The following MTX2 variants were observed in gnomAD, a reference collection of about 807,000 sequenced individuals.
MTX2 encodes the protein metaxin 2.
Under a neutral mutation model 42.3 loss-of-function variants are expected in MTX2, and 35 were observed. The observed-to-expected ratio is 0.83, with a 90% CI of 0.63 to 1.10. The LOEUF (loss-of-function observed/expected upper bound fraction) is 1.10. Ranked by LOEUF, MTX2 falls within the 50% of genes least tolerant of loss-of-function variation. MTX2 has a pLI of 0.00. For missense variants in MTX2, 307 were observed against 304.1 expected (o/e 1.01, Z -0.07); for synonymous variants, 119 against 100.9 (o/e 1.18, Z -1.08).
chr2:176,276,549 C>T (rs1306594929), intron 1 of MTX2, among the ~76,000 whole-genome samples: 1 of 151,608 alleles, frequency 6.6e-6, no homozygotes, highest in Non-Finnish European at 1.5e-5. Context: ...CCTTTCTAGT[C>T]CTCAGTTTCC....
intron 3 of MTX2, among the ~76,000 whole-genome samples, chr2:176,301,406 T>G (rs901672697): frequency 6.6e-6 from 1 of 152,174 alleles, no homozygotes; most frequent in African/African-American, 2.4e-5. Context: ...TGCTGAGCTC[T>G]TAATTCATAT....
intron 1 of MTX2, among the ~76,000 whole-genome samples, chr2:176,281,793 A>C (rs973001684): frequency 2.0e-5 from 3 of 152,082 alleles, no homozygotes; most frequent in African/African-American, 7.2e-5. Context: ...GTTGGGGGTG[A>C]GTAGAGTAGT....
intron 1 of MTX2, 61 bp downstream of exon 1, chr2:176,269,730 TA>T: frequency 6.5e-7 from 1 of 1,537,194 alleles, no homozygotes; most frequent in Non-Finnish European, 8.7e-7. Flanking sequence ...CCGCGTGGGG[TA>T]CAGGGCTGGA....
At chr2:176,270,112 C>G (rs1692764569) in intron 1 of MTX2, 1 of 296,348 alleles carries the variant, frequency 3.4e-6, no homozygotes, top group Non-Finnish European at 6.5e-6. Context: ...GAACACCAGA[C>G]TTCTTGCTTC....
At chr2:176,317,161 G>A (rs955740064) in intron 3 of MTX2, among the ~76,000 whole-genome samples, 2 of 151,574 alleles carry the variant, frequency 1.3e-5, no homozygotes, top group Non-Finnish European at 2.9e-5. Flanking sequence ...TTATTCATCT[G>A]GTAATCATTA....
chr2:176,331,714 T>C (rs1684868795), intron 9 of MTX2, among the ~76,000 whole-genome samples: 1 of 151,226 alleles, frequency 6.6e-6, no homozygotes, highest in Admixed American at 6.6e-5. Flanking sequence ...TCTGTTCCTG[T>C]TTCTAGTGAT....
intron 3 of MTX2, among the ~76,000 whole-genome samples, chr2:176,311,850 C>G (rs6751724): frequency 0.19 from 29,589 of 152,140 alleles, 3,231 homozygotes; most frequent in South Asian, 0.3. Flanking sequence ...TGACCCCTTG[C>G]GCTTCCTGGG....
At chr2:176,320,847 A>G (rs1684568631) in intron 3 of MTX2, among the ~76,000 whole-genome samples, 1 of 151,966 alleles carries the variant, frequency 6.6e-6, no homozygotes, top group African/African-American at 2.4e-5. Context: ...GGTGTGCACC[A>G]CCATGCCCAG....
intron 9 of MTX2, among the ~76,000 whole-genome samples, chr2:176,333,146 C>T (rs1684900187): frequency 6.6e-6 from 1 of 151,204 alleles, no homozygotes; most frequent in Non-Finnish European, 1.5e-5. Context: ...GAATATTTTT[C>T]TAATAAAAAG....
chr2:176,301,963 A>G (rs752543321), intron 3 of MTX2, among the ~76,000 whole-genome samples: 16 of 152,162 alleles, frequency 1.1e-4, no homozygotes, highest in South Asian at 2.1e-4. Flanking sequence ...TTTGACTTCA[A>G]AGATTTATGT....
At chr2:176,292,956 G>A (rs1296982719) in intron 1 of MTX2, among the ~76,000 whole-genome samples, 2 of 152,102 alleles carry the variant, frequency 1.3e-5, no homozygotes. Flanking sequence ...AAATTCAGTA[G>A]CCCTTACGTA....
intron 1 of MTX2, among the ~76,000 whole-genome samples, chr2:176,293,188 T>TC (rs1693365159): frequency 6.6e-6 from 1 of 152,198 alleles, no homozygotes; most frequent in Non-Finnish European, 1.5e-5. Flanking sequence ...ATTAAGGAGT[T>TC]CTTTTTCCCA....
At chr2:176,323,774 A>G (rs1192543656) in intron 4 of MTX2, among the ~76,000 whole-genome samples, 1 of 151,678 alleles carries the variant, frequency 6.6e-6, no homozygotes, top group Non-Finnish European at 1.5e-5. Flanking sequence ...TGTACATAAG[A>G]CTTTCCTGTT....
chr2:176,326,777 T>G (rs777460566), intron 4 of MTX2, 48 bp from the exon 5 acceptor site: 1 of 1,178,880 alleles, frequency 8.5e-7, no homozygotes, highest in East Asian at 2.6e-5. Flanking sequence ...TCACAAACTT[T>G]AACATACTGG....
At chr2:176,295,081 C>T (rs912428124) in intron 1 of MTX2, among the ~76,000 whole-genome samples, 3 of 152,110 alleles carry the variant, frequency 2.0e-5, no homozygotes, top group Admixed American at 2.0e-4. Flanking sequence ...TTTCTACAGA[C>T]AATTAACATC....
intron 4 of MTX2, 150 bp downstream of exon 4, chr2:176,323,614 A>C: frequency 1.5e-6 from 1 of 686,356 alleles, no homozygotes; most frequent in East Asian, 2.7e-5. Context: ...AACAATTGCA[A>C]ATTTGACAAT....
chr2:176,324,616 A>T (rs1684666871), intron 4 of MTX2, among the ~76,000 whole-genome samples: 1 of 151,686 alleles, frequency 6.6e-6, no homozygotes, highest in African/African-American at 2.4e-5. Flanking sequence ...TAAAAAGGTT[A>T]GAAGGTTAGT....
In MTX2 at chr2:176,328,916, A is replaced by T; in HGVS notation, c.417+4A>T. On this transcript the variant is annotated splice_donor_region_variant and intron_variant, in intron 7 of 9. Coordinates refer to ENST00000249442, the MANE Select transcript of MTX2 (RefSeq NM_006554.5). ...TGATGAAGCTACAGTAGGGGAGGTG[A>T]GTGGTTCTGTAACATTTATCTTAAT... 6.2e-7 allele frequency: 1 copy of T among 1,603,612 alleles called. No homozygotes were observed. The highest frequency in any genetic ancestry group is 8.5e-7 in the Non-Finnish European group (1 of 1,172,642).
intron 3 of MTX2, among the ~76,000 whole-genome samples, chr2:176,307,682 A>C (rs1684186772): frequency 6.6e-6 from 1 of 151,836 alleles, no homozygotes. Flanking sequence ...ATGGGAGTTC[A>C]CTCATGATTT....
Sources: allele counts gnomAD v4.1 joint callset (sites outside exome capture counted in the v4.1 genomes callset), GRCh38; gene constraint gnomAD v4.1.1; transcripts MANE v1.5; gene names NCBI Gene and HGNC (gene_info 2026-07-23, HGNC 2026-07-21).